ARHGAP10: variants seen among roughly 807,000 people sequenced by gnomAD.
ARHGAP10 encodes the protein Rho GTPase activating protein 10.
ARHGAP10 carries 87 observed loss-of-function variants against 108.6 expected under a neutral mutation model. The ratio of observed to expected loss-of-function variants is 0.80; its 90% CI spans 0.67 to 0.96. ARHGAP10 has a LOEUF of 0.96. ARHGAP10 is among the 40% of genes least tolerant of loss of function. The pLI, the probability that ARHGAP10 is intolerant of heterozygous loss-of-function variation, is 0.00. For synonymous variants in ARHGAP10, 347 were observed against 341.1 expected, an observed-to-expected ratio of 1.02 and a Z score of -0.19; for missense variants, 939 against 954.5, an observed-to-expected ratio of 0.98 and a Z score of 0.21.
At chr4:147,905,368 C>A (rs900491371) in intron 10 of ARHGAP10, among the ~76,000 whole-genome samples, 2 of 145,608 alleles carry the variant, frequency 1.4e-5, no homozygotes, top group African/African-American at 5.1e-5. Context: ...GGTTTTAGGT[C>A]TAACATTTAA....
intron 1 of ARHGAP10, among the ~76,000 whole-genome samples, chr4:147,755,157 CTTA>C (rs1729316354): frequency 6.6e-6 from 1 of 151,112 alleles, no homozygotes; most frequent in Admixed American, 6.6e-5. Flanking sequence ...TAAAAGCAAA[CTTA>C]TTATTTAAGT....
intron 20 of ARHGAP10, among the ~76,000 whole-genome samples, chr4:148,049,850 GGGGCGGGGGGTGGT>G (rs1165447544): frequency 1.5e-5 from 2 of 134,990 alleles, no homozygotes; most frequent in African/African-American, 5.3e-5. Flanking sequence ...CGGGGGGCGG[GGGGCGGGGGGTGGT>G]GGTGGCGGTG....
chr4:148,016,620 A>G (rs1741357003), intron 18 of ARHGAP10, among the ~76,000 whole-genome samples: 1 of 152,200 alleles, frequency 6.6e-6, no homozygotes, highest in Non-Finnish European at 1.5e-5. Context: ...TTTCCTACAC[A>G]CCAAGCAAGC....
At chr4:148,064,828 CTT>C (rs765350016) in intron 22 of ARHGAP10, among the ~76,000 whole-genome samples, 2 of 152,202 alleles carry the variant, frequency 1.3e-5, no homozygotes, top group Non-Finnish European at 2.9e-5. Flanking sequence ...GATTTGCACA[CTT>C]TATTTTCTTT....
intron 3 of ARHGAP10, among the ~76,000 whole-genome samples, chr4:147,828,954 C>T (rs1732834144): frequency 6.6e-6 from 1 of 151,000 alleles, no homozygotes; most frequent in African/African-American, 2.4e-5. Context: ...CTCAGCTCAG[C>T]TGCAACTTCT....
At chr4:148,008,926 A>G (rs565953489) in intron 18 of ARHGAP10, among the ~76,000 whole-genome samples, 1 of 152,306 alleles carries the variant, frequency 6.6e-6, no homozygotes, top group Admixed American at 6.5e-5. Flanking sequence ...GATTTGCAAA[A>G]TGTGATAAAA....
rs536395160 is a variant in ARHGAP10 at position 148,061,357 on chromosome 4, G to A, written c.2028-1791G>A. 9.7e-4 allele frequency among the ~76,000 whole-genome samples: 147 copies of A among 152,144 alleles called. 1 individual carries two copies. Among genetic ancestry groups the A allele is most frequent in the African/African-American group, 3.4e-3 (141 of 41,504 alleles). ...TGAATAATTGCTGGGAGATAACTTG[G>A]CAATTGTTTGGCTAACTGTGGCCTT... On this transcript the variant is annotated intron_variant, in intron 20 of 22. Transcript: ENST00000336498.
At chr4:147,753,428 C>G (rs529551053) in intron 1 of ARHGAP10, among the ~76,000 whole-genome samples, 1 of 151,608 alleles carries the variant, frequency 6.6e-6, no homozygotes, top group East Asian at 1.9e-4. Context: ...ACTACAACCT[C>G]TGCCTCCTGG....
At chr4:147,861,463 G>C (rs1352372930) in intron 5 of ARHGAP10, 3 of 152,412 alleles carry the variant, frequency 2.0e-5, no homozygotes, top group East Asian at 1.9e-4. Context: ...GAGCAGGGGA[G>C]GGGGAGGATC....
At chr4:147,975,891 C>T (rs1202284315) in intron 18 of ARHGAP10, among the ~76,000 whole-genome samples, 2 of 152,164 alleles carry the variant, frequency 1.3e-5, no homozygotes, top group African/African-American at 4.8e-5. Context: ...CTCTTGTTAA[C>T]CCTGCAACCA....
chr4:147,789,290 C>T (rs1459180357), intron 1 of ARHGAP10, among the ~76,000 whole-genome samples: 4 of 152,094 alleles, frequency 2.6e-5, no homozygotes, highest in Admixed American at 1.3e-4. Flanking sequence ...GTGTTTTCCA[C>T]ATATTTTATT....
intron 16 of ARHGAP10, among the ~76,000 whole-genome samples, chr4:147,963,465 C>T (rs17579697): frequency 0.028 from 4,248 of 152,252 alleles, 107 homozygotes; most frequent in Non-Finnish European, 0.041. Flanking sequence ...ACTTCTTTGA[C>T]GCCTGTGAAA....
rs533240823 is a variant in ARHGAP10, at chr4:148,069,096, A to T, written c.2273-2897A>T. Among the ~76,000 whole-genome samples the T allele has an allele frequency of 1.4e-4, 22 of 152,070 alleles. No individual in the cohort carries two copies. The South Asian group carries it at 1.7e-3, about 11-fold the overall frequency. On this transcript the variant is annotated intron_variant, in intron 22 of 22. Transcript: ENST00000336498. ...CCGCGTAGACACTGCTTGGGGGAGG[A>T]GTGGTGTGATAAACTAGGAGAGGAG...
chr4:147,916,146 G>A (rs912583726), intron 13 of ARHGAP10, among the ~76,000 whole-genome samples: 2 of 152,140 alleles, frequency 1.3e-5, no homozygotes, highest in Non-Finnish European at 2.9e-5. Flanking sequence ...ATGACCAGAA[G>A]CATTTAATGA....
intron 5 of ARHGAP10, chr4:147,862,834 C>T (rs1453096525): frequency 1.3e-5 from 2 of 152,178 alleles, no homozygotes; most frequent in East Asian, 3.8e-4. Context: ...CTTCTTATGT[C>T]TTTATTAAAT....
At chr4:147,881,652 G>T (rs564189731) in intron 9 of ARHGAP10, among the ~76,000 whole-genome samples, 186 bp from the exon 10 acceptor site, 11 of 152,222 alleles carry the variant, frequency 7.2e-5, no homozygotes, top group East Asian at 5.8e-4. Flanking sequence ...AGAATCAGGA[G>T]AATGACAAAA....
In ARHGAP10 at chr4:147,753,973, G is replaced by A. The variant is rs148551630; in HGVS notation, c.154+21518G>A. On this transcript the variant is annotated intron_variant, in intron 1 of 22. Transcript: ENST00000336498. ...GGCTTCCATTCATCTGCTACTACTC[G>A]TTCTAAGAAAGACCTAACGTTCCTA... Among the ~76,000 whole-genome samples, 475 of 152,188 alleles carry A rather than the reference G, an allele frequency of 3.1e-3. 4 individuals carry two copies. Among genetic ancestry groups the A allele is most frequent in the African/African-American group, 9.9e-3 (410 of 41,532 alleles).
intron 18 of ARHGAP10, among the ~76,000 whole-genome samples, chr4:147,997,893 A>T (rs554984965): frequency 6.6e-6 from 1 of 152,214 alleles, no homozygotes; most frequent in Non-Finnish European, 1.5e-5. Flanking sequence ...TCCCAGTAAT[A>T]AGGAATTTTT....
chr4:147,917,535 A>G (rs1050375731), intron 13 of ARHGAP10: 2 of 152,168 alleles, frequency 1.3e-5, no homozygotes, highest in Admixed American at 1.3e-4. Flanking sequence ...CCTTAATTCA[A>G]TCAGATTTTG....
Sources: allele counts gnomAD v4.1 joint callset (sites outside exome capture counted in the v4.1 genomes callset), GRCh38; gene constraint gnomAD v4.1.1; transcripts MANE v1.5; gene names NCBI Gene and HGNC (gene_info 2026-07-23, HGNC 2026-07-21).